The following KITLG variants were observed in gnomAD, a reference collection of about 807,000 sequenced individuals.
KITLG encodes KIT ligand.
Under a neutral mutation model 34.1 loss-of-function variants are expected in KITLG, and 13 were observed. The ratio of observed to expected loss-of-function variants is 0.38; its 90% CI spans 0.25 to 0.61. The LOEUF (loss-of-function observed/expected upper bound fraction) is 0.61. Among genes scored for constraint, KITLG ranks in the 20% least tolerant of loss-of-function variants. The pLI, the probability that KITLG is intolerant of heterozygous loss-of-function variation, is 0.60. For synonymous variants in KITLG, 110 were observed against 104.0 expected (o/e 1.06, Z -0.35); for missense variants, 292 against 318.9 (o/e 0.92, Z 0.64).
chr12:88,580,204 G>C (rs1871968745), intron 1 of KITLG, 60 bp downstream of exon 1: 2 of 1,561,754 alleles, frequency 1.3e-6, no homozygotes, highest in African/African-American at 1.4e-5. Flanking sequence ...CGGCTTCCCC[G>C]GGGCACCGGG....
At chr12:88,557,971 G>A (rs1006446904) in intron 1 of KITLG, among the ~76,000 whole-genome samples, 2 of 152,024 alleles carry the variant, frequency 1.3e-5, no homozygotes, top group African/African-American at 4.8e-5. Context: ...TTTCAAATAC[G>A]TGACTTGCTT....
intron 1 of KITLG, among the ~76,000 whole-genome samples, chr12:88,559,795 C>A (rs1871237567): frequency 6.6e-6 from 1 of 152,114 alleles, no homozygotes; most frequent in South Asian, 2.1e-4. Flanking sequence ...TGAAACACAG[C>A]AAAGCATTTA....
chr12:88,550,927 A>C (rs538138419), intron 1 of KITLG, among the ~76,000 whole-genome samples: 5 of 152,334 alleles, frequency 3.3e-5, no homozygotes, highest in African/African-American at 1.2e-4. Context: ...ACAGACTGCT[A>C]TAATAATTGA....
chr12:88,550,784 AT>A lies in KITLG; in HGVS notation c.16-4920del, dbSNP rs1321093306. 2.0e-5 allele frequency among the ~76,000 whole-genome samples: 3 copies of A among 152,300 alleles called. No individual in the cohort carries two copies. In the East Asian group the frequency reaches 5.8e-4, roughly 29 times the overall value. On this transcript the variant is annotated intron_variant, in intron 1 of 9. Transcript: ENST00000644744. ...GCGATAGCAGATCTCTAAAACTTTA[AT>A]ACTTTTGCAAATATCAAGCATATGG... is the stretch of plus-strand genomic sequence containing the variant.
intron 3 of KITLG, among the ~76,000 whole-genome samples, chr12:88,524,060 T>C (rs960502398): frequency 6.6e-6 from 1 of 152,268 alleles, no homozygotes; most frequent in East Asian, 1.9e-4. Context: ...AGAGGCCCAG[T>C]TTTTAGTCCC....
At chr12:88,498,270 T>A (rs1437420332) in intron 9 of KITLG, among the ~76,000 whole-genome samples, 1 of 152,162 alleles carries the variant, frequency 6.6e-6, no homozygotes, top group Non-Finnish European at 1.5e-5. Flanking sequence ...ATTACACAGA[T>A]TAGCCATAAA....
chr12:88,533,398 A>G (rs1870177303), intron 2 of KITLG, among the ~76,000 whole-genome samples: 1 of 152,144 alleles, frequency 6.6e-6, no homozygotes, highest in Non-Finnish European at 1.5e-5. Context: ...AACACATTAT[A>G]AACACTCAAT....
intron 1 of KITLG, among the ~76,000 whole-genome samples, chr12:88,555,039 T>C (rs1403548582): frequency 6.6e-6 from 1 of 152,120 alleles, no homozygotes; most frequent in Admixed American, 6.5e-5. Flanking sequence ...AAAATATGGG[T>C]GATCATTAAA....
intron 1 of KITLG, among the ~76,000 whole-genome samples, chr12:88,563,245 T>C (rs1260827550): frequency 6.6e-6 from 1 of 152,192 alleles, no homozygotes; most frequent in Non-Finnish European, 1.5e-5. Context: ...GGGTTAAGCT[T>C]TTAAATGCTA....
chr12:88,506,354 C>T lies in KITLG; in HGVS notation c.739G>A (p.Ala247Thr), dbSNP rs776613113. The change falls in exon 8 of 10, where the codon GCA (alanine) becomes ACA (threonine). Residue 247 changes from alanine to threonine, a missense_variant. Around this residue, in one of 2 missense-constraint regions of KITLG, gnomAD observed 140 missense variants for 111.0 expected, o/e 1.26. Transcript: ENST00000644744. ...TCATTAATTTGTATATTTTCAACTG[C>T]CCTTGTAAGACTTGGCTGTCTCTTC... ...WKKRQPSLTR[A>T]VENIQINEED... The T allele has an allele frequency of 1.2e-6, 2 of 1,609,664 alleles. No individual in the cohort carries two copies. The highest frequency in any genetic ancestry group is 1.7e-4 in the Middle Eastern group (1 of 6,052).
intron 2 of KITLG, among the ~76,000 whole-genome samples, chr12:88,541,518 CT>C (rs2120902012): frequency 6.6e-6 from 1 of 152,196 alleles, no homozygotes; most frequent in Admixed American, 6.5e-5. Context: ...CTAGTTTGAA[CT>C]TTTTCAATAT....
chr12:88,519,214 G>A (rs1395018088), intron 3 of KITLG, among the ~76,000 whole-genome samples: 1 of 152,068 alleles, frequency 6.6e-6, no homozygotes, highest in Non-Finnish European at 1.5e-5. Flanking sequence ...AGGAGGACAG[G>A]GGTTATTGTA....
chr12:88,507,155 C>T lies in KITLG; in HGVS notation c.605-18G>A. 2 of 1,432,580 alleles carry T rather than the reference C, an allele frequency of 1.4e-6. No individual in the cohort carries two copies. Among genetic ancestry groups the T allele is most frequent in the Non-Finnish European group, 2.0e-6 (2 of 1,014,472 alleles). The allele number at this position is 1,432,580 out of a possible 1,614,324, so 88.7% of individuals were successfully genotyped here. ...GGCCTTCCCTATAATTTAAAGAACACACTGATGAATACAGCATATCCATTC... is the reference window on the plus strand; with the variant it reads ...GGCCTTCCCTATAATTTAAAGAACATACTGATGAATACAGCATATCCATTC... On this transcript the variant is annotated intron_variant, in intron 6 of 9. Transcript: ENST00000644744.
Position 88,545,958 on chromosome 12 carries a change from A to C in KITLG, c.16-93T>G, listed in dbSNP as rs149960723. ...ATCTAATGCCTTGATGCACAAAAAGACCAGTCTAATATATGTTATTGGCTT... is the reference window on the plus strand; with the variant it reads ...ATCTAATGCCTTGATGCACAAAAAGCCCAGTCTAATATATGTTATTGGCTT... On this transcript the variant is annotated intron_variant, in intron 1 of 9. Coordinates refer to ENST00000644744, the MANE Select transcript of KITLG (RefSeq NM_000899.5). 4,808 of 785,752 alleles carry C rather than the reference A, an allele frequency of 6.1e-3. 28 individuals carry two copies. The highest frequency in any genetic ancestry group is 7.6e-3 in the Non-Finnish European group (3,339 of 437,944). 48.7% of individuals were successfully genotyped at this position (785,752 alleles called of 1,614,324 possible).
At chr12:88,509,904 CA>C (rs1445897008) in intron 6 of KITLG, among the ~76,000 whole-genome samples, 1 of 152,084 alleles carries the variant, frequency 6.6e-6, no homozygotes, top group Non-Finnish European at 1.5e-5. Context: ...TTGCATGCCT[CA>C]AGGCCCAAAT....
At chr12:88,512,934 A>G (rs2120825818) in intron 6 of KITLG, among the ~76,000 whole-genome samples, 1 of 152,020 alleles carries the variant, frequency 6.6e-6, no homozygotes, top group East Asian at 1.9e-4. Context: ...CCAAATGGAA[A>G]CCTGGACTGA....
chr12:88,550,761 G>A (rs1220189516), intron 1 of KITLG, among the ~76,000 whole-genome samples: 6 of 152,078 alleles, frequency 3.9e-5, no homozygotes, highest in Admixed American at 6.6e-5. Flanking sequence ...ACTGTGATGC[G>A]ATAGCAGATC....
intron 1 of KITLG, among the ~76,000 whole-genome samples, chr12:88,579,572 G>A (rs1279166676): frequency 1.3e-5 from 2 of 152,146 alleles, no homozygotes; most frequent in Non-Finnish European, 2.9e-5. Context: ...TCATTCAGAG[G>A]TGCCTATTTT....
intron 1 of KITLG, 46 bp downstream of exon 1, chr12:88,580,218 G>A: frequency 6.3e-7 from 1 of 1,588,884 alleles, no homozygotes; most frequent in Non-Finnish European, 8.6e-7. Flanking sequence ...CACCGGGCGC[G>A]ATTTTTCCTG....
Sources: allele counts gnomAD v4.1 joint callset (sites outside exome capture counted in the v4.1 genomes callset), GRCh38; gene constraint gnomAD v4.1.1; regional missense constraint gnomAD v4.1.1; transcripts MANE v1.5; gene names NCBI Gene and HGNC (gene_info 2026-07-23, HGNC 2026-07-21).